ARHGEF38: variants seen among roughly 807,000 people sequenced by gnomAD.
The protein encoded by ARHGEF38 is Rho guanine nucleotide exchange factor 38, also known as Rho guanine nucleotide exchange factor (GEF) 38.
ARHGEF38 carries 79 observed loss-of-function variants against 79.9 expected under a neutral mutation model. The ratio of observed to expected loss-of-function variants is 0.99; its 90% CI spans 0.82 to 1.19. ARHGEF38 has a LOEUF of 1.19. Among genes scored for constraint, ARHGEF38 ranks in the 50% most tolerant of loss-of-function variants. ARHGEF38 has a pLI of 0.00. For synonymous variants in ARHGEF38, 366 were observed against 328.3 expected (o/e 1.11, Z -1.24); for missense variants, 962 against 907.2 (o/e 1.06, Z -0.78).
intron 3 of ARHGEF38, among the ~76,000 whole-genome samples, chr4:105,630,015 T>G (rs1729114792): frequency 6.6e-6 from 1 of 152,212 alleles, no homozygotes. Context: ...AAATTTCACC[T>G]TCTGTGTCTC....
chr4:105,667,403 C>A (rs1228296793), intron 12 of ARHGEF38, 41 bp from the exon 13 acceptor site: 1 of 1,534,276 alleles, frequency 6.5e-7, no homozygotes, highest in Non-Finnish European at 8.7e-7. Flanking sequence ...GAAGAGTATA[C>A]CCATGAACTT....
chr4:105,625,083 A>G (rs1454772890), intron 3 of ARHGEF38, among the ~76,000 whole-genome samples: 1 of 152,234 alleles, frequency 6.6e-6, no homozygotes, highest in East Asian at 1.9e-4. Flanking sequence ...CATAATTTAT[A>G]CATGAGATTT....
At chr4:105,592,927 A>T (rs1484997356) in intron 2 of ARHGEF38, among the ~76,000 whole-genome samples, 1 of 152,070 alleles carries the variant, frequency 6.6e-6, no homozygotes, top group East Asian at 1.9e-4. Context: ...AGTGCAGTGG[A>T]TTCTATCCCC....
intron 13 of ARHGEF38, 22 bp from the exon 14 acceptor site, chr4:105,677,730 T>C (rs1288623390): frequency 5.0e-6 from 7 of 1,396,870 alleles, no homozygotes; most frequent in Non-Finnish European, 5.6e-6. Flanking sequence ...ATTCCAATAA[T>C]GTCTTTTGTT....
At chr4:105,615,276 G>A (rs1161138123) in intron 3 of ARHGEF38, among the ~76,000 whole-genome samples, 6 of 152,168 alleles carry the variant, frequency 3.9e-5, no homozygotes, top group Non-Finnish European at 1.5e-5. Context: ...AAGATTTCTG[G>A]CAAGGGTGTG....
intron 3 of ARHGEF38, among the ~76,000 whole-genome samples, chr4:105,628,386 G>T (rs1729039991): frequency 6.6e-6 from 1 of 152,090 alleles, no homozygotes; most frequent in Admixed American, 6.5e-5. Context: ...CCCACTTCTG[G>T]GCCCTCCCAG....
chr4:105,657,198 T>C lies in ARHGEF38; in HGVS notation c.1233+1476T>C, dbSNP rs541121456. ...GGTTTGCTCTTTAGCTTAGTTCCAA[T>C]ACATTAAGTTAATATATATTTATTG... is the stretch of plus-strand genomic sequence containing the variant. On this transcript the variant is annotated intron_variant, in intron 9 of 13. Coordinates refer to ENST00000420470, the MANE Select transcript of ARHGEF38 (RefSeq NM_001242729.2). 2.0e-5 allele frequency among the ~76,000 whole-genome samples: 3 copies of C among 152,316 alleles called. No homozygotes were observed. In the South Asian group the frequency reaches 6.2e-4, roughly 32 times the overall value.
Position 105,677,862 on chromosome 4 carries a change from G to A in ARHGEF38, c.2259G>A (p.Glu753=). The part of the protein sequence containing the change: ...LRFCDLSGNK[E]WWLAEAQGQK... ...TTTGTGACCTAAGTGGCAATAAAGAGTGGTGGTTAGCTGAAGCTCAAGGGC... is the reference window on the plus strand; with the variant it reads ...TTTGTGACCTAAGTGGCAATAAAGAATGGTGGTTAGCTGAAGCTCAAGGGC... The change falls in exon 14 of 14, where the codon GAG becomes GAA. Residue 753 remains glutamate (E), a synonymous_variant. Coordinates refer to ENST00000420470, the MANE Select transcript of ARHGEF38 (RefSeq NM_001242729.2). 1 of 1,535,376 alleles carries A rather than the reference G, an allele frequency of 6.5e-7. No individual in the cohort carries two copies. The highest frequency in any genetic ancestry group is 8.7e-7 in the Non-Finnish European group (1 of 1,146,326).
chr4:105,652,869 T>C (rs1578349775), intron 7 of ARHGEF38, among the ~76,000 whole-genome samples: 1 of 152,190 alleles, frequency 6.6e-6, no homozygotes, highest in Non-Finnish European at 1.5e-5. Context: ...TAAACAATAT[T>C]AAGAAGTTTA....
At chr4:105,556,708 A>G (rs1218558998) in intron 1 of ARHGEF38, among the ~76,000 whole-genome samples, 1 of 152,112 alleles carries the variant, frequency 6.6e-6, no homozygotes, top group Admixed American at 6.6e-5. Context: ...AGCCCAGAAT[A>G]CAGTAAACAC....
At chr4:105,622,592 AG>A (rs1728781525) in intron 3 of ARHGEF38, among the ~76,000 whole-genome samples, 1 of 152,102 alleles carries the variant, frequency 6.6e-6, no homozygotes, top group African/African-American at 2.4e-5. Flanking sequence ...TTGACCAAAA[AG>A]GGGTTTATTT....
rs562719506 is a variant in ARHGEF38 at position 105,588,444 on chromosome 4, T to C, written c.197-804T>C. Among the ~76,000 whole-genome samples the C allele has an allele frequency of 5.3e-5, 8 of 152,380 alleles. No homozygotes were observed. The East Asian group carries it at 1.3e-3, about 26-fold the overall frequency. On this transcript the variant is annotated intron_variant, in intron 1 of 13. Transcript: ENST00000420470. ...GATGTTTATCGCCACTTTGATTTCA[T>C]GGTCTGTGGTCTGGTTTGTGGCTTC... is the stretch of plus-strand genomic sequence containing the variant.
chr4:105,633,464 G>A (rs1040732875), intron 4 of ARHGEF38, among the ~76,000 whole-genome samples: 1 of 152,150 alleles, frequency 6.6e-6, no homozygotes, highest in African/African-American at 2.4e-5. Flanking sequence ...ATCAGTCAAA[G>A]CTATTACTGT....
At chr4:105,666,113 C>T in intron 10 of ARHGEF38, 64 bp from the exon 11 acceptor site, 2 of 1,397,900 alleles carry the variant, frequency 1.4e-6, no homozygotes, top group South Asian at 1.7e-5. Flanking sequence ...CAACTCAATA[C>T]ATTTAACACC....
At chr4:105,582,250 T>C (rs1018313938) in intron 1 of ARHGEF38, among the ~76,000 whole-genome samples, 3 of 151,782 alleles carry the variant, frequency 2.0e-5, no homozygotes, top group East Asian at 1.9e-4. Flanking sequence ...TTCAATTTCA[T>C]TAAGCTTTGT....
In ARHGEF38 at chr4:105,648,559, C is replaced by A. The variant is rs1204423006; in HGVS notation, c.885C>A (p.Tyr295Ter). 2 of 1,512,594 alleles carry A rather than the reference C, an allele frequency of 1.3e-6. No individual in the cohort carries two copies. Among genetic ancestry groups the A allele is most frequent in the South Asian group, 1.3e-5 (1 of 79,532 alleles). 93.7% of individuals were successfully genotyped at this position (1,512,594 alleles called of 1,614,324 possible). A position where few individuals can be genotyped will look rare whatever the true frequency, so the allele number is the denominator to read the frequency against. Residue 295 changes from tyrosine (Y) to a stop codon, truncating the protein, a stop_gained, in exon 7 of 14, where the codon TAC (tyrosine) becomes TAA (stop). Transcript: ENST00000420470. LOFTEE classifies it high-confidence loss of function. ...ATTCTTCCTTTTCAGTTCTAAAATA[C>A]AAGAAGAATGACGAGGATGAATCAC... Reference protein sequence around the residue: ...LKRRKDLVLKYKKNDEDESLK... With the variant: ...LKRRKDLVLK
chr4:105,638,219 AG>A (rs113184134), intron 5 of ARHGEF38, among the ~76,000 whole-genome samples: 2 of 152,058 alleles, frequency 1.3e-5, no homozygotes, highest in African/African-American at 2.4e-5. Context: ...TCCGTTTTTT[AG>A]GTTTTTTTTA....
chr4:105,650,577 C>G (rs1730059249), intron 7 of ARHGEF38, among the ~76,000 whole-genome samples: 1 of 152,220 alleles, frequency 6.6e-6, no homozygotes, highest in African/African-American at 2.4e-5. Context: ...TTTCTCTTTA[C>G]TCCTATCTTC....
At chr4:105,600,402 G>C (rs941186944) in intron 2 of ARHGEF38, among the ~76,000 whole-genome samples, 1 of 152,122 alleles carries the variant, frequency 6.6e-6, no homozygotes, top group Non-Finnish European at 1.5e-5. Flanking sequence ...AGTGCCTTCT[G>C]TCTTCCAGGA....
Sources: gnomAD v4.1 joint callset for allele counts (sites outside exome capture counted in the v4.1 genomes callset) on GRCh38, gnomAD v4.1.1 for gene constraint, MANE v1.5 for transcripts, NCBI Gene and HGNC (gene_info 2026-07-23, HGNC 2026-07-21) for gene names.